The following CUL4A variants were observed in gnomAD, a reference collection of about 807,000 sequenced individuals.
CUL4A encodes the protein cullin 4A.
CUL4A carries 16 observed loss-of-function variants against 95.5 expected under a neutral mutation model. The observed-to-expected ratio is 0.17, with a 90% CI of 0.11 to 0.25. The LOEUF (loss-of-function observed/expected upper bound fraction) is 0.25. Among genes scored for constraint, CUL4A ranks in the 10% least tolerant of loss-of-function variants. The pLI, the probability that CUL4A is intolerant of heterozygous loss-of-function variation, is 1.00. For missense variants in CUL4A, 610 were observed against 937.0 expected, an observed-to-expected ratio of 0.65 and a Z score of 4.56; for synonymous variants, 380 against 353.1, an observed-to-expected ratio of 1.08 and a Z score of -0.85.
chr13:113,249,327 A>G (rs1209456102), intron 15 of CUL4A, among the ~76,000 whole-genome samples: 1 of 151,536 alleles, frequency 6.6e-6, no homozygotes, highest in Non-Finnish European at 1.5e-5. Flanking sequence ...GCCATACATC[A>G]GCGCTTTATT....
rs2139328754 is a variant in CUL4A at position 113,265,879 on chromosome 13, T to C, written c.*2297T>C. ...GGAGAAGGTGAAATTACTTGCAGGT[T>C]AGATGGTTGCATACCCAGGTCATCT... On this transcript the variant is annotated 3_prime_UTR_variant, in exon 20 of 20. Coordinates refer to ENST00000375440, the MANE Select transcript of CUL4A (RefSeq NM_001008895.4). 1 of 152,352 alleles carries C rather than the reference T, an allele frequency of 6.6e-6. No homozygotes were observed. The highest frequency in any genetic ancestry group is 2.1e-4 in the South Asian group (1 of 4,832). The allele number at this position is 152,352 out of a possible 1,614,324, so 9.4% of individuals were successfully genotyped here. A position where few individuals can be genotyped will look rare whatever the true frequency, so the allele number is the denominator to read the frequency against.
chr13:113,245,381 G>A, intron 14 of CUL4A, 144 bp downstream of exon 14: 2 of 727,584 alleles, frequency 2.7e-6, no homozygotes, highest in Non-Finnish European at 4.6e-6. Flanking sequence ...GATCAACATA[G>A]CAAGACCCAG....
intron 2 of CUL4A, among the ~76,000 whole-genome samples, chr13:113,217,676 A>G (rs1473743353): frequency 6.6e-6 from 1 of 152,148 alleles, no homozygotes; most frequent in Non-Finnish European, 1.5e-5. Flanking sequence ...CTTTTTTCCT[A>G]GGGGTATATT....
chr13:113,220,497 A>G (rs977167407), intron 3 of CUL4A, among the ~76,000 whole-genome samples: 3 of 152,348 alleles, frequency 2.0e-5, no homozygotes, highest in South Asian at 2.1e-4. Flanking sequence ...CGGCTCAGCA[A>G]TGCGCTTCCA....
intron 3 of CUL4A, among the ~76,000 whole-genome samples, chr13:113,223,452 A>G (rs921472372): frequency 4.6e-5 from 7 of 152,180 alleles, no homozygotes; most frequent in South Asian, 2.1e-4. Context: ...CTAGTGTGCA[A>G]TGGCGCAATC....
upstream of CUL4A, among the ~76,000 whole-genome samples, chr13:113,209,214 G>A (rs2040223234): frequency 6.8e-6 from 1 of 147,814 alleles, no homozygotes; most frequent in Non-Finnish European, 1.5e-5. Context: ...GCGCCCCGGG[G>A]CCCTCAGGAG....
chr13:113,214,544 G>A (rs1467244509), intron 2 of CUL4A, among the ~76,000 whole-genome samples: 2 of 152,032 alleles, frequency 1.3e-5, no homozygotes. Context: ...AGAGAGGTGT[G>A]GCCTCCCTAT....
chr13:113,252,179 G>A (rs1051215681), intron 15 of CUL4A, among the ~76,000 whole-genome samples: 1 of 152,194 alleles, frequency 6.6e-6, no homozygotes, highest in Admixed American at 6.5e-5. Context: ...AAAGGCTGGT[G>A]CACTGAACGC....
intron 15 of CUL4A, among the ~76,000 whole-genome samples, chr13:113,246,522 A>G (rs2041862042): frequency 1.3e-5 from 2 of 152,230 alleles, no homozygotes; most frequent in South Asian, 4.1e-4. Flanking sequence ...GAGATACAAT[A>G]CATGCACCAT....
chr13:113,235,317 A>G (rs919011833), intron 8 of CUL4A, among the ~76,000 whole-genome samples, 172 bp downstream of exon 8: 7 of 152,238 alleles, frequency 4.6e-5, no homozygotes, highest in Non-Finnish European at 4.4e-5. Context: ...CACAAATTAC[A>G]GTTTTTACCC....
intron 2 of CUL4A, among the ~76,000 whole-genome samples, chr13:113,213,154 G>A (rs562081382): frequency 1.3e-5 from 2 of 152,284 alleles, no homozygotes; most frequent in South Asian, 4.1e-4. Context: ...TTGGGGGGCT[G>A]AGGTGGCCTG....
intron 16 of CUL4A, among the ~76,000 whole-genome samples, chr13:113,253,848 C>G (rs931752478): frequency 1.3e-5 from 2 of 152,192 alleles, no homozygotes; most frequent in Non-Finnish European, 2.9e-5. Flanking sequence ...CAATTATATA[C>G]ACTAAGCAAA....
intron 10 of CUL4A, 27 bp downstream of exon 10, chr13:113,239,578 G>C (rs1458757244): frequency 1.3e-6 from 2 of 1,557,562 alleles, no homozygotes; most frequent in Non-Finnish European, 1.8e-6. Flanking sequence ...GAGGCCGCGG[G>C]CGTGGGCATT....
At chr13:113,235,267 C>T (rs2041502304) in intron 8 of CUL4A, 122 bp downstream of exon 8, 1 of 636,550 alleles carries the variant, frequency 1.6e-6, no homozygotes, top group East Asian at 2.9e-5. Context: ...GTTTTTGCAC[C>T]TAGCATATTT....
chr13:113,265,254 C>T lies in CUL4A; in HGVS notation c.*1672C>T, dbSNP rs1482266042. The T allele has an allele frequency of 6.6e-6, 1 of 152,196 alleles. No individual in the cohort carries two copies. The highest frequency in any genetic ancestry group is 2.4e-5 in the African/African-American group (1 of 41,434). 9.4% of individuals were successfully genotyped at this position (152,196 alleles called of 1,614,324 possible). A position where few individuals can be genotyped will look rare whatever the true frequency, so the allele number is the denominator to read the frequency against. Reference sequence around the variant, plus strand: ...TTTTTTACTTGGACGATTCGTTGTGCTGTGCCTTTGTTTCATTTGAGCACA... The same window carrying T: ...TTTTTTACTTGGACGATTCGTTGTGTTGTGCCTTTGTTTCATTTGAGCACA... On this transcript the variant is annotated 3_prime_UTR_variant, in exon 20 of 20. Coordinates refer to ENST00000375440, the MANE Select transcript of CUL4A (RefSeq NM_001008895.4).
chr13:113,219,350 A>G (rs996111375), intron 3 of CUL4A: 6 of 247,200 alleles, frequency 2.4e-5, no homozygotes, highest in Non-Finnish European at 4.7e-5. Context: ...GCTTTCTGTG[A>G]TAGGCAACAA....
intron 15 of CUL4A, 102 bp from the exon 16 acceptor site, chr13:113,252,980 T>A (rs2042032380): frequency 7.0e-6 from 4 of 569,948 alleles, no homozygotes; most frequent in Non-Finnish European, 9.5e-6. Flanking sequence ...AGCTGACCTT[T>A]TAATTCAGCC....
chr13:113,217,013 G>T (rs776935420), intron 2 of CUL4A, among the ~76,000 whole-genome samples: 1 of 152,190 alleles, frequency 6.6e-6, no homozygotes, highest in African/African-American at 2.4e-5. Flanking sequence ...GGACACATAG[G>T]AGGCAGAGTG....
intron 4 of CUL4A, among the ~76,000 whole-genome samples, chr13:113,228,282 A>G (rs1452658921): frequency 6.6e-6 from 1 of 152,196 alleles, no homozygotes; most frequent in Non-Finnish European, 1.5e-5. Context: ...CAGGGTTCTT[A>G]GATGCCTGCA....
Sources: gnomAD v4.1 joint callset for allele counts (sites outside exome capture counted in the v4.1 genomes callset) on GRCh38, gnomAD v4.1.1 for gene constraint, MANE v1.5 for transcripts, NCBI Gene and HGNC (gene_info 2026-07-23, HGNC 2026-07-21) for gene names.